PHACTR1: variants seen among roughly 807,000 people sequenced by gnomAD.
The protein encoded by PHACTR1 is phosphatase and actin regulator 1, also known as RPEL repeat containing 1.
In PHACTR1, 16 loss-of-function variants were observed where a neutral mutation model predicts 69.2. The observed-to-expected ratio is 0.23, with a 90% CI of 0.16 to 0.35. PHACTR1 has a LOEUF of 0.35. Ranked by LOEUF, PHACTR1 falls within the 10% of genes least tolerant of loss-of-function variation. The pLI, the probability that PHACTR1 is intolerant of heterozygous loss-of-function variation, is 1.00. For missense variants in PHACTR1, 510 were observed against 734.7 expected, an observed-to-expected ratio of 0.69 and a Z score of 3.54; for synonymous variants, 312 against 284.5, an observed-to-expected ratio of 1.10 and a Z score of -0.97.
chr6:13,280,776 T>G, intron 12 of PHACTR1: 1 of 377,042 alleles, frequency 2.7e-6, no homozygotes, highest in Non-Finnish European at 5.0e-6. Context: ...CCCAGCACTT[T>G]GGGAGGCCGA....
chr6:12,861,994 C>T (rs889321312), intron 4 of PHACTR1, among the ~76,000 whole-genome samples: 1 of 151,950 alleles, frequency 6.6e-6, no homozygotes, highest in African/African-American at 2.4e-5. Context: ...ACTATGATTA[C>T]CATGTGTAAG....
At chr6:12,810,887 A>G (rs1167366354) in intron 4 of PHACTR1, among the ~76,000 whole-genome samples, 1 of 152,210 alleles carries the variant, frequency 6.6e-6, no homozygotes, top group Admixed American at 6.5e-5. Flanking sequence ...CTCCTCAAGA[A>G]AGAGCCTGCT....
At chr6:12,983,251 CACTA>C (rs1304032904) in intron 4 of PHACTR1, among the ~76,000 whole-genome samples, 2 of 152,170 alleles carry the variant, frequency 1.3e-5, no homozygotes, top group Non-Finnish European at 2.9e-5. Flanking sequence ...AAAGATAGGT[CACTA>C]ACTAATTAAT....
intron 8 of PHACTR1, among the ~76,000 whole-genome samples, chr6:13,212,312 A>G (rs1766973757): frequency 6.6e-6 from 1 of 152,120 alleles, no homozygotes; most frequent in South Asian, 2.1e-4. Flanking sequence ...TCGCTGTCCA[A>G]CTCACTAAGA....
intron 4 of PHACTR1, among the ~76,000 whole-genome samples, chr6:13,006,135 A>G (rs1798758190): frequency 6.6e-6 from 1 of 152,204 alleles, no homozygotes; most frequent in Non-Finnish European, 1.5e-5. Flanking sequence ...TGTTTTAAAG[A>G]TTAAAAGAGC....
intron 7 of PHACTR1, among the ~76,000 whole-genome samples, chr6:13,185,674 T>C (rs556619740): frequency 6.6e-6 from 1 of 152,350 alleles, no homozygotes; most frequent in Admixed American, 6.5e-5. Flanking sequence ...GATACCACTT[T>C]GTGATTGAAG....
At chr6:13,046,562 C>T (rs1042667852) in intron 4 of PHACTR1, among the ~76,000 whole-genome samples, 1 of 152,098 alleles carries the variant, frequency 6.6e-6, no homozygotes. Flanking sequence ...TCTCAGGCAT[C>T]GTGTCTGTGT....
At chr6:13,206,218 G>A (rs943561663) in intron 8 of PHACTR1, 82 bp downstream of exon 8, 2 of 1,351,964 alleles carry the variant, frequency 1.5e-6, no homozygotes, top group Admixed American at 2.6e-5. Flanking sequence ...CCATGACTTA[G>A]GAATGTGAAC....
chr6:13,021,248 A>G lies in PHACTR1; in HGVS notation c.251-32117A>G, dbSNP rs149643088. On this transcript the variant is annotated intron_variant, in intron 4 of 14. Coordinates refer to ENST00000332995, the MANE Select transcript of PHACTR1 (RefSeq NM_030948.6). Reference sequence around the variant, plus strand: ...ATTCTGGACATTTCACATAAATGGAACCATGCAATATATGGTACCTTATAT... The same window carrying G: ...ATTCTGGACATTTCACATAAATGGAGCCATGCAATATATGGTACCTTATAT... 2.0e-5 allele frequency among the ~76,000 whole-genome samples: 3 copies of G among 152,332 alleles called. No individual in the cohort carries two copies. In the East Asian group the frequency reaches 5.8e-4, roughly 29 times the overall value.
At chr6:12,788,880 A>G (rs34352227) in intron 4 of PHACTR1, among the ~76,000 whole-genome samples, 2,948 of 152,374 alleles carry the variant, frequency 0.019, 50 homozygotes, top group Non-Finnish European at 0.026. Flanking sequence ...ATAAATGCCA[A>G]TGCAAACATT....
intron 4 of PHACTR1, among the ~76,000 whole-genome samples, chr6:12,857,242 A>C (rs1171556230): frequency 6.6e-6 from 1 of 152,220 alleles, no homozygotes; most frequent in Non-Finnish European, 1.5e-5. Context: ...AAATTAGGTC[A>C]AATGTTATTC....
chr6:12,998,230 A>G (rs1361770923), intron 4 of PHACTR1, among the ~76,000 whole-genome samples: 3 of 152,228 alleles, frequency 2.0e-5, no homozygotes, highest in African/African-American at 7.2e-5. Flanking sequence ...AGATGGATTA[A>G]CAACCTAAAT....
chr6:13,166,543 G>T (rs1442520444), intron 6 of PHACTR1, among the ~76,000 whole-genome samples: 1 of 152,066 alleles, frequency 6.6e-6, no homozygotes, highest in African/African-American at 2.4e-5. Flanking sequence ...TCACTGCACC[G>T]GCGAAATCCA....
chr6:13,200,809 C>T (rs137968291), intron 7 of PHACTR1, among the ~76,000 whole-genome samples: 4,310 of 151,666 alleles, frequency 0.028, 211 homozygotes, highest in African/African-American at 0.097. Flanking sequence ...GGCATCATGG[C>T]GGACACCTGT....
intron 4 of PHACTR1, among the ~76,000 whole-genome samples, chr6:12,821,540 C>CCACA (rs1776219995): frequency 6.7e-6 from 1 of 149,314 alleles, no homozygotes; most frequent in Non-Finnish European, 1.5e-5. Context: ...AGGTCCTAAA[C>CCACA]CACAGGCTGA....
intron 4 of PHACTR1, among the ~76,000 whole-genome samples, chr6:13,021,702 T>A (rs1471888677): frequency 1.3e-5 from 2 of 152,196 alleles, no homozygotes; most frequent in Non-Finnish European, 2.9e-5. Flanking sequence ...TTATTATCTG[T>A]TATGGATGAT....
At chr6:13,212,072 C>T (rs920903728) in intron 8 of PHACTR1, among the ~76,000 whole-genome samples, 2 of 152,190 alleles carry the variant, frequency 1.3e-5, no homozygotes, top group African/African-American at 2.4e-5. Context: ...TGTGTCCTCA[C>T]GTGGTCTTCC....
At chr6:12,777,275 G>A (rs1047204698) in intron 4 of PHACTR1, among the ~76,000 whole-genome samples, 4 of 150,640 alleles carry the variant, frequency 2.7e-5, no homozygotes, top group African/African-American at 9.8e-5. Context: ...TCAGGGGTAC[G>A]TGTGCAGGTT....
At chr6:13,269,894 A>ACCCCACACATTTCTGTGTGAGGCAGCT in intron 10 of PHACTR1, among the ~76,000 whole-genome samples, 1 of 152,180 alleles carries the variant, frequency 6.6e-6, no homozygotes, top group Non-Finnish European at 1.5e-5. Context: ...CACTTCTGTG[A>ACCCCACACATTTCTGTGTGAGGCAGCT]CCCCACACAT....
Sources: allele counts gnomAD v4.1 joint callset (sites outside exome capture counted in the v4.1 genomes callset), GRCh38; gene constraint gnomAD v4.1.1; transcripts MANE v1.5; gene names NCBI Gene and HGNC (gene_info 2026-07-23, HGNC 2026-07-21).